CSMD1: variants seen among roughly 807,000 people sequenced by gnomAD.
The protein encoded by CSMD1 is CUB and sushi domain-containing protein 1.
Under a neutral mutation model 417.5 loss-of-function variants are expected in CSMD1, and 213 were observed. That is an observed-to-expected ratio of 0.51 (90% CI 0.46 to 0.57). The LOEUF is 0.57. CSMD1 is among the 20% of genes least tolerant of loss of function. The pLI is 0.00. For missense variants in CSMD1, 6,923 were observed against 4,529.7 expected, an observed-to-expected ratio of 1.53 and a Z score of -15.17; for synonymous variants, 2,862 against 1,736.8, an observed-to-expected ratio of 1.65 and a Z score of -16.11.
intron 26 of CSMD1, among the ~76,000 whole-genome samples, chr8:3,257,471 A>G (rs992808722): frequency 1.3e-5 from 2 of 152,194 alleles, no homozygotes; most frequent in African/African-American, 2.4e-5. Context: ...CAAGTAATAA[A>G]TGAAATATTA....
intron 3 of CSMD1, among the ~76,000 whole-genome samples, chr8:4,081,770 T>G (rs1344905678): frequency 1.3e-5 from 2 of 152,112 alleles, no homozygotes; most frequent in Non-Finnish European, 1.5e-5. Flanking sequence ...CCCAAATATC[T>G]GGAAACCAAG....
At chr8:4,013,315 A>C (rs1796368229) in intron 4 of CSMD1, among the ~76,000 whole-genome samples, 1 of 151,546 alleles carries the variant, frequency 6.6e-6, no homozygotes, top group Non-Finnish European at 1.5e-5. Context: ...TTCTTCGTTC[A>C]CTCACCGTAC....
chr8:4,648,475 A>G (rs1159848750), intron 1 of CSMD1, among the ~76,000 whole-genome samples: 1 of 152,054 alleles, frequency 6.6e-6, no homozygotes, highest in African/African-American at 2.4e-5. Context: ...CACACACACC[A>G]TGCATGCATG....
intron 51 of CSMD1, among the ~76,000 whole-genome samples, chr8:3,023,187 C>T (rs1044872644): frequency 2.0e-5 from 3 of 152,172 alleles, no homozygotes; most frequent in African/African-American, 7.2e-5. Context: ...AGGCCTGCCT[C>T]CAGTAACAAA....
chr8:3,976,253 A>T (rs916285776), intron 5 of CSMD1, among the ~76,000 whole-genome samples: 13 of 152,200 alleles, frequency 8.5e-5, no homozygotes, highest in Admixed American at 2.0e-4. Context: ...AAAATTATTT[A>T]AAAATGTAAC....
At chr8:4,403,926 T>G (rs980343382) in intron 3 of CSMD1, among the ~76,000 whole-genome samples, 4 of 152,192 alleles carry the variant, frequency 2.6e-5, no homozygotes, top group Non-Finnish European at 5.9e-5. Flanking sequence ...ACTCCAATCT[T>G]CGCCTTTTGA....
chr8:3,841,420 G>C (rs949233111), intron 5 of CSMD1, among the ~76,000 whole-genome samples: 2 of 152,214 alleles, frequency 1.3e-5, no homozygotes, highest in African/African-American at 4.8e-5. Context: ...GAGAAAAGAA[G>C]AAAACAACAA....
intron 3 of CSMD1, among the ~76,000 whole-genome samples, chr8:4,145,432 A>C (rs577637204): frequency 6.6e-6 from 1 of 151,242 alleles, no homozygotes; most frequent in Non-Finnish European, 1.5e-5. Context: ...AAAGTGACTT[A>C]ATCTACAGGT....
chr8:3,942,756 G>C (rs749059841), intron 5 of CSMD1, among the ~76,000 whole-genome samples: 7 of 152,180 alleles, frequency 4.6e-5, no homozygotes, highest in Non-Finnish European at 8.8e-5. Context: ...TGTGAAGTCT[G>C]TATTTATTAC....
intron 3 of CSMD1, among the ~76,000 whole-genome samples, chr8:4,128,348 C>T (rs773949514): frequency 2.0e-5 from 3 of 152,078 alleles, no homozygotes; most frequent in Non-Finnish European, 4.4e-5. Flanking sequence ...AGAACGTGAA[C>T]CAAGTAAAAA....
At chr8:3,513,532 T>C (rs1797165184) in intron 10 of CSMD1, among the ~76,000 whole-genome samples, 1 of 152,124 alleles carries the variant, frequency 6.6e-6, no homozygotes, top group South Asian at 2.1e-4. Context: ...ATCCTCTTTA[T>C]ATATACACCT....
rs370318738 is a variant in CSMD1, at chr8:3,776,986, T to A, written c.819-22944A>T. Among the ~76,000 whole-genome samples, 217 of 152,006 alleles carry A rather than the reference T, an allele frequency of 1.4e-3. 7 individuals are homozygous for A. The South Asian group carries it at 0.044, about 31-fold the overall frequency. ...ACCTGGGCCTCCCATAGTGCTGGGA[T>A]TACATGCATGACCCCCCACATCTGA... On this transcript the variant is annotated intron_variant, in intron 5 of 69. Coordinates refer to ENST00000635120, the MANE Select transcript of CSMD1 (RefSeq NM_033225.6).
chr8:4,096,469 T>G (rs551485951), intron 3 of CSMD1, among the ~76,000 whole-genome samples: 1 of 152,146 alleles, frequency 6.6e-6, no homozygotes, highest in African/African-American at 2.4e-5. Context: ...GTAAGAATCT[T>G]TGAGGCAATC....
chr8:3,176,460 A>C (rs1417640794), intron 37 of CSMD1, among the ~76,000 whole-genome samples: 11 of 152,152 alleles, frequency 7.2e-5, no homozygotes. Flanking sequence ...TTAACCTAAA[A>C]AATATTTTAG....
In CSMD1 at chr8:3,366,022, C is replaced by A. The variant is rs377264652; in HGVS notation, c.3115+1010G>T. Among the ~76,000 whole-genome samples, 10 of 152,090 alleles carry A rather than the reference C, an allele frequency of 6.6e-5. No individual in the cohort carries two copies. The East Asian group carries it at 1.5e-3, about 23-fold the overall frequency. On this transcript the variant is annotated intron_variant, in intron 20 of 69. Coordinates refer to ENST00000635120, the MANE Select transcript of CSMD1 (RefSeq NM_033225.6). ...TGACACATAATCTCATAAGTGGCAT[C>A]AGAAGTTATTAAGGAATTTATGAGA...
At chr8:3,880,929 C>T (rs977961236) in intron 5 of CSMD1, among the ~76,000 whole-genome samples, 4 of 152,106 alleles carry the variant, frequency 2.6e-5, no homozygotes, top group Non-Finnish European at 4.4e-5. Context: ...CCAAGTATTA[C>T]ATTGGATGCA....
chr8:4,004,323 C>A (rs947650240), intron 4 of CSMD1, among the ~76,000 whole-genome samples: 4 of 151,610 alleles, frequency 2.6e-5, no homozygotes, highest in African/African-American at 7.3e-5. Flanking sequence ...ACGTGTAGAA[C>A]TTTATGTGTT....
chr8:3,715,839 G>A lies in CSMD1; in HGVS notation c.932-7348C>T, dbSNP rs551812436. Among the ~76,000 whole-genome samples the A allele has an allele frequency of 2.6e-5, 4 of 152,234 alleles. No individual in the cohort carries two copies. The South Asian group carries it at 6.2e-4, about 24-fold the overall frequency. ...ATTGCAGGCATGAGCCACAGCGCCCGGCCTGCAAACAGCTTTTTAAAAGGC... is the reference window on the plus strand; with the variant it reads ...ATTGCAGGCATGAGCCACAGCGCCCAGCCTGCAAACAGCTTTTTAAAAGGC... On this transcript the variant is annotated intron_variant, in intron 6 of 69. Coordinates refer to ENST00000635120, the MANE Select transcript of CSMD1 (RefSeq NM_033225.6).
At chr8:4,026,936 A>C (rs1052096319) in intron 4 of CSMD1, among the ~76,000 whole-genome samples, 21 of 152,136 alleles carry the variant, frequency 1.4e-4, no homozygotes, top group Non-Finnish European at 4.4e-5. Context: ...ACAAACAAAC[A>C]AACAAACAAA....
Sources: gnomAD v4.1 joint callset for allele counts (sites outside exome capture counted in the v4.1 genomes callset) on GRCh38, gnomAD v4.1.1 for gene constraint, MANE v1.5 for transcripts, NCBI Gene and HGNC (gene_info 2026-07-23, HGNC 2026-07-21) for gene names.